Variants in WDPCP observed in about 807,000 individuals in gnomAD.
WDPCP encodes the protein WD repeat containing planar cell polarity effector.
WDPCP carries 71 observed loss-of-function variants against 93.1 expected under a neutral mutation model. The ratio of observed to expected loss-of-function variants is 0.76; its 90% CI spans 0.63 to 0.93. WDPCP has a LOEUF of 0.93. Among genes scored for constraint, WDPCP ranks in the 40% least tolerant of loss-of-function variants. The pLI, the probability that WDPCP is intolerant of heterozygous loss-of-function variation, is 0.00. For synonymous variants in WDPCP, 315 were observed against 315.0 expected, an observed-to-expected ratio of 1.00 and a Z score of 0.00; for missense variants, 844 against 887.4, an observed-to-expected ratio of 0.95 and a Z score of 0.62.
intron 17 of WDPCP, among the ~76,000 whole-genome samples, chr2:63,124,096 T>G (rs910155717): frequency 6.8e-6 from 1 of 147,420 alleles, no homozygotes; most frequent in South Asian, 2.1e-4. Context: ...GGCATGAAGT[T>G]TTTTTTTTTT....
chr2:63,784,199 G>A (rs1311317128), intron 2 of WDPCP, among the ~76,000 whole-genome samples: 1 of 151,974 alleles, frequency 6.6e-6, no homozygotes, highest in Admixed American at 6.6e-5. Context: ...AGGGCAAGCA[G>A]GAAAAAGTCA....
At chr2:63,462,064 G>A (rs1337990670) in intron 6 of WDPCP, among the ~76,000 whole-genome samples, 3 of 152,256 alleles carry the variant, frequency 2.0e-5, no homozygotes, top group South Asian at 2.1e-4. Flanking sequence ...TGTTTACTGC[G>A]GCACTATTCA....
chr2:63,286,250 C>T (rs1310886871), intron 13 of WDPCP, among the ~76,000 whole-genome samples: 1 of 152,162 alleles, frequency 6.6e-6, no homozygotes, highest in African/African-American at 2.4e-5. Flanking sequence ...CCCCTGTGAC[C>T]TGCACATATA....
chr2:63,756,542 G>A (rs1438769367), intron 2 of WDPCP, among the ~76,000 whole-genome samples: 1 of 152,138 alleles, frequency 6.6e-6, no homozygotes, highest in African/African-American at 2.4e-5. Context: ...GAGCAGCTGT[G>A]TGGGAGTAGA....
intron 14 of WDPCP, among the ~76,000 whole-genome samples, chr2:63,248,389 A>G (rs1181377083): frequency 6.6e-6 from 1 of 152,080 alleles, no homozygotes; most frequent in Non-Finnish European, 1.5e-5. Flanking sequence ...CTCTTTCAAC[A>G]ATTTGATTAT....
At chr2:63,493,637 T>C (rs1467830364) in intron 1 of WDPCP, among the ~76,000 whole-genome samples, 2 of 152,016 alleles carry the variant, frequency 1.3e-5, no homozygotes, top group Middle Eastern at 3.2e-3. Flanking sequence ...TGAATACTTT[T>C]TTTTTTTAAT....
chr2:63,418,814 G>A (rs1054817286), intron 9 of WDPCP, among the ~76,000 whole-genome samples: 4 of 152,180 alleles, frequency 2.6e-5, no homozygotes, highest in African/African-American at 9.6e-5. Flanking sequence ...AAATATCTCT[G>A]TTTTAATTCT....
intron 2 of WDPCP, chr2:63,752,239 C>A: frequency 1.3e-6 from 1 of 745,600 alleles, no homozygotes; most frequent in Non-Finnish European, 2.4e-6. Flanking sequence ...TAATTTCAAT[C>A]ACTTCAATTT....
chr2:63,804,141 C>T (rs917854676), intron 2 of WDPCP, among the ~76,000 whole-genome samples: 6 of 152,012 alleles, frequency 3.9e-5, no homozygotes, highest in African/African-American at 1.4e-4. Context: ...GTATCTAGAG[C>T]AGGGGTGGCA....
Position 63,484,669 on chromosome 2 carries a change from G to A in WDPCP, c.325-6C>T. On this transcript the variant is annotated splice_polypyrimidine_tract_variant and splice_region_variant and intron_variant, in intron 5 of 17. Coordinates refer to ENST00000272321, the MANE Select transcript of WDPCP (RefSeq NM_015910.7). The stretch of plus-strand genomic sequence containing the variant: ...CGACTGTTTTGCATCAGCTCCTGAA[G>A]CACAACAGAAAAAGAGAGAGCGTAG... 1 of 1,612,768 alleles carries A rather than the reference G, an allele frequency of 6.2e-7. No individual in the cohort carries two copies. Among genetic ancestry groups the A allele is most frequent in the Non-Finnish European group, 8.5e-7 (1 of 1,179,210 alleles).
At chr2:63,249,897 C>T (rs1017527587) in intron 14 of WDPCP, among the ~76,000 whole-genome samples, 9 of 152,194 alleles carry the variant, frequency 5.9e-5, no homozygotes, top group Non-Finnish European at 1.3e-4. Context: ...AAGCACTTAT[C>T]ACACACTGTG....
At chr2:63,684,435 C>G in intron 2 of WDPCP, 3 of 845,842 alleles carry the variant, frequency 3.5e-6, no homozygotes, top group Non-Finnish European at 6.1e-6. Context: ...CCTCTGGTGG[C>G]TGGAATTGAC....
intron 1 of WDPCP, among the ~76,000 whole-genome samples, chr2:63,569,529 T>C (rs1707322001): frequency 6.6e-6 from 1 of 152,110 alleles, no homozygotes; most frequent in African/African-American, 2.4e-5. Flanking sequence ...GCAATGTCAT[T>C]CAAAAAAAAG....
At chr2:63,151,944 G>C (rs1671912907) in intron 17 of WDPCP, among the ~76,000 whole-genome samples, 1 of 152,106 alleles carries the variant, frequency 6.6e-6, no homozygotes, top group Non-Finnish European at 1.5e-5. Flanking sequence ...CTATCATTCA[G>C]ACTCAAGTCT....
chr2:63,795,352 T>C (rs1425778988), intron 2 of WDPCP, among the ~76,000 whole-genome samples: 1 of 151,950 alleles, frequency 6.6e-6, no homozygotes, highest in Non-Finnish European at 1.5e-5. Flanking sequence ...GAGATTCTAG[T>C]ATTAGGGAAA....
At chr2:63,677,038 C>G (rs1710411604) in intron 2 of WDPCP, among the ~76,000 whole-genome samples, 1 of 152,138 alleles carries the variant, frequency 6.6e-6, no homozygotes, top group South Asian at 2.1e-4. Flanking sequence ...TACTCCCCCA[C>G]AAAAAATCAA....
chr2:63,137,787 C>CCCAG (rs1179960683), intron 17 of WDPCP, among the ~76,000 whole-genome samples: 6 of 152,100 alleles, frequency 3.9e-5, no homozygotes, highest in Non-Finnish European at 2.9e-5. Flanking sequence ...AGCTACTTAT[C>CCCAG]CCAGCACCAT....
chr2:63,742,778 G>A (rs1222159305), intron 2 of WDPCP, among the ~76,000 whole-genome samples: 3 of 150,548 alleles, frequency 2.0e-5, no homozygotes, highest in Non-Finnish European at 4.4e-5. Context: ...TCTGGGTAAC[G>A]TGCCAAGCAG....
chr2:63,790,324 G>T (rs372418301), intron 2 of WDPCP, among the ~76,000 whole-genome samples: 13 of 152,212 alleles, frequency 8.5e-5, no homozygotes, highest in Non-Finnish European at 1.5e-4. Flanking sequence ...GATACTCAGA[G>T]TGGGGTGCCC....
Sources: allele counts gnomAD v4.1 joint callset (sites outside exome capture counted in the v4.1 genomes callset), GRCh38; gene constraint gnomAD v4.1.1; transcripts MANE v1.5; gene names NCBI Gene and HGNC (gene_info 2026-07-23, HGNC 2026-07-21).